Variants in WNT9B observed in about 807,000 individuals in gnomAD.
The protein encoded by WNT9B is protein Wnt-9b.
A neutral mutation model predicts 30.2 loss-of-function variants in WNT9B; 12 were observed. The ratio of observed to expected loss-of-function variants is 0.40; its 90% CI spans 0.26 to 0.64. WNT9B has a LOEUF of 0.64. Ranked by LOEUF, WNT9B falls within the 30% of genes least tolerant of loss-of-function variation. The pLI is 0.42. For missense variants in WNT9B, 442 were observed against 485.2 expected (o/e 0.91, Z 0.84); for synonymous variants, 218 against 216.9 (o/e 1.01, Z -0.05).
At chr17:46,836,656 T>A (rs2084636019) in intron 1 of WNT9B, among the ~76,000 whole-genome samples, 1 of 152,122 alleles carries the variant, frequency 6.6e-6, no homozygotes, top group South Asian at 2.1e-4. Context: ...GTTGGGAAAT[T>A]CATTGATAAA....
chr17:46,859,148 G>T (rs1054002092), intron 1 of WNT9B, among the ~76,000 whole-genome samples: 9 of 151,592 alleles, frequency 5.9e-5, no homozygotes, highest in Non-Finnish European at 1.2e-4. Context: ...AGCTAATTTT[G>T]TATTTTTAGT....
At chr17:46,839,985 CT>C (rs1491354003) in intron 1 of WNT9B, among the ~76,000 whole-genome samples, 4 of 127,298 alleles carry the variant, frequency 3.1e-5, no homozygotes, top group African/African-American at 1.2e-4. Flanking sequence ...TCTCTTCTTT[CT>C]TTCTTTTTTC....
chr17:46,876,773 C>T lies in WNT9B; in HGVS notation c.*55C>T, dbSNP rs1373023076. The T allele has an allele frequency of 1.3e-6, 2 of 1,484,922 alleles. No homozygotes were observed. The highest frequency in any genetic ancestry group is 2.8e-5 in the African/African-American group (2 of 71,116). 92.0% of individuals were successfully genotyped at this position (1,484,922 alleles called of 1,614,324 possible). ...TGCCAGGACCTCCTGTGGCACCCTT[C>T]AAGCTGCCCAGCCGGCCCTCTGGGC... On this transcript the variant is annotated 3_prime_UTR_variant, in exon 4 of 4. Transcript: ENST00000290015.
At chr17:46,852,323 C>G (rs1310976179) in intron 1 of WNT9B, among the ~76,000 whole-genome samples, 4 of 151,676 alleles carry the variant, frequency 2.6e-5, no homozygotes, top group Non-Finnish European at 4.4e-5. Context: ...TGGGGAAATG[C>G]GACCACATCT....
In WNT9B at chr17:46,876,800, G is replaced by C; in HGVS notation, c.*82G>C. ...AGCTGCCCAGCCGGCCCTCTGGGCAGACTGTCATCACATGCATGCATAAAC... is the reference window on the plus strand; with the variant it reads ...AGCTGCCCAGCCGGCCCTCTGGGCACACTGTCATCACATGCATGCATAAAC... On this transcript the variant is annotated 3_prime_UTR_variant, in exon 4 of 4. Transcript: ENST00000290015. 2.7e-6 allele frequency: 4 copies of C among 1,457,572 alleles called. No homozygotes were observed. The highest frequency in any genetic ancestry group is 3.6e-6 in the Non-Finnish European group (4 of 1,101,234). The allele number at this position is 1,457,572 out of a possible 1,614,324, so 90.3% of individuals were successfully genotyped here.
chr17:46,834,790 G>C (rs918398652), intron 1 of WNT9B, among the ~76,000 whole-genome samples: 2 of 152,208 alleles, frequency 1.3e-5, no homozygotes, highest in East Asian at 1.9e-4. Flanking sequence ...AGCTCCTCAA[G>C]GGCTTCCCCC....
intron 1 of WNT9B, among the ~76,000 whole-genome samples, chr17:46,841,865 C>T (rs183610458): frequency 1.1e-3 from 165 of 152,374 alleles, no homozygotes; most frequent in African/African-American, 3.9e-3. Flanking sequence ...AGGCCGACCC[C>T]GCAGGGCCCT....
intron 1 of WNT9B, among the ~76,000 whole-genome samples, chr17:46,857,251 T>G (rs553359203): frequency 6.6e-6 from 1 of 152,160 alleles, no homozygotes; most frequent in South Asian, 2.1e-4. Flanking sequence ...GGCAGATCAC[T>G]TGAGGTCTGG....
At chr17:46,872,802 G>T in intron 2 of WNT9B, 29 bp downstream of exon 2, 2 of 1,438,524 alleles carry the variant, frequency 1.4e-6, no homozygotes, top group South Asian at 2.4e-5. Flanking sequence ...GGACGGGGAG[G>T]GCTGGGGGAA....
chr17:46,862,707 C>T lies in WNT9B; in HGVS notation c.78-9810C>T, dbSNP rs182907592. The stretch of plus-strand genomic sequence containing the variant: ...AAGGGATTCTCCTGCCTCAGCCTCC[C>T]GAGTAGCTAGGACAACAGGCGTCTA... On this transcript the variant is annotated intron_variant, in intron 1 of 3. Transcript: ENST00000290015. 5.5e-4 allele frequency among the ~76,000 whole-genome samples: 84 copies of T among 152,210 alleles called. 3 individuals carry two copies. In the East Asian group the frequency reaches 0.015, roughly 26 times the overall value.
At chr17:46,855,307 G>A (rs551222676) in intron 1 of WNT9B, among the ~76,000 whole-genome samples, 34 of 152,308 alleles carry the variant, frequency 2.2e-4, no homozygotes, top group African/African-American at 7.0e-4. Flanking sequence ...GGATAAGGCC[G>A]CACATTCTTT....
intron 1 of WNT9B, among the ~76,000 whole-genome samples, chr17:46,838,699 T>C (rs2084662968): frequency 6.6e-6 from 1 of 152,126 alleles, no homozygotes; most frequent in Admixed American, 6.6e-5. Context: ...TCCACGTATA[T>C]GTAAAATGTC....
chr17:46,835,009 T>C (rs2084609407), intron 1 of WNT9B, among the ~76,000 whole-genome samples: 1 of 152,098 alleles, frequency 6.6e-6, no homozygotes, highest in Non-Finnish European at 1.5e-5. Context: ...TCTTCTTCTT[T>C]CTGGAGACAG....
chr17:46,864,393 A>G (rs1050472966), intron 1 of WNT9B, among the ~76,000 whole-genome samples: 3 of 152,046 alleles, frequency 2.0e-5, no homozygotes, highest in African/African-American at 7.2e-5. Context: ...ACTTCCCTCT[A>G]TCTAGCCAAG....
chr17:46,875,175 G>T lies in WNT9B; in HGVS notation c.409G>T (p.Ala137Ser). 6.2e-7 allele frequency: 1 copy of T among 1,614,016 alleles called. No homozygotes were observed. The highest frequency in any genetic ancestry group is 1.3e-5 in the African/African-American group (1 of 75,054). ...LTHTLARACS[A>S]GRMERCTCDD... ...CCACACCCTGGCCCGGGCCTGCAGC[G>T]CTGGGCGCATGGAGCGCTGCACCTG... The change falls in exon 3 of 4, where the codon GCT becomes TCT. Residue 137 changes from alanine to serine, a missense_variant. By Grantham distance (99) the Ala-to-Ser change is moderately conservative. Coordinates refer to ENST00000290015, the MANE Select transcript of WNT9B (RefSeq NM_003396.3).
chr17:46,839,993 TTTCTTTC>T (rs2084689410), intron 1 of WNT9B, among the ~76,000 whole-genome samples: 1 of 92,736 alleles, frequency 1.1e-5, no homozygotes, highest in African/African-American at 4.5e-5. Flanking sequence ...TTCTTTCTTT[TTTCTTTC>T]TTCTTTCTTT....
At chr17:46,836,522 T>C (rs767142206) in intron 1 of WNT9B, among the ~76,000 whole-genome samples, 13 of 152,324 alleles carry the variant, frequency 8.5e-5, no homozygotes, top group Non-Finnish European at 1.3e-4. Flanking sequence ...ACATTGTAAA[T>C]GTCGATGATT....
intron 1 of WNT9B, among the ~76,000 whole-genome samples, chr17:46,852,905 CT>C (rs1373104105): frequency 2.0e-5 from 3 of 152,092 alleles, no homozygotes; most frequent in Non-Finnish European, 4.4e-5. Context: ...GTCATGACCC[CT>C]GGTGGAAACA....
downstream of WNT9B, among the ~76,000 whole-genome samples, chr17:46,881,297 C>T (rs1213998221): frequency 6.6e-6 from 1 of 152,248 alleles, no homozygotes; most frequent in African/African-American, 2.4e-5. Flanking sequence ...GCATCCCCGT[C>T]CTAACATGCT....
Sources: allele counts gnomAD v4.1 joint callset (sites outside exome capture counted in the v4.1 genomes callset), GRCh38; gene constraint gnomAD v4.1.1; transcripts MANE v1.5; gene names NCBI Gene and HGNC (gene_info 2026-07-23, HGNC 2026-07-21).